ADAM33: variants seen among roughly 807,000 people sequenced by gnomAD.
ADAM33 encodes ADAM metallopeptidase domain 33.
Under a neutral mutation model 106.2 loss-of-function variants are expected in ADAM33, and 103 were observed. The ratio of observed to expected loss-of-function variants is 0.97; its 90% CI spans 0.83 to 1.14. The LOEUF (loss-of-function observed/expected upper bound fraction) is 1.14, where lower values mean the gene tolerates loss of function less well. Ranked by LOEUF, ADAM33 falls within the 50% of genes most tolerant of loss-of-function variation. The probability of loss-of-function intolerance (pLI) is 0.00; values close to 1 mark genes in which losing one functional copy is unlikely to be tolerated. For synonymous variants in ADAM33, 483 were observed against 453.0 expected, an observed-to-expected ratio of 1.07 and a Z score of -0.84; for missense variants, 1,120 against 1,096.6, an observed-to-expected ratio of 1.02 and a Z score of -0.30.
Position 3,672,133 on chromosome 20 carries a change from C to T in ADAM33, c.1597+1G>A. ...GTGCAAGGGTGCTCGTGTCCTCTCA[C>T]CAGGCCCCCAGAGCTGCTGGCACTG... On this transcript the variant is annotated splice_donor_variant, in intron 14 of 21. Transcript: ENST00000356518. LOFTEE classifies it high-confidence loss of function. The T allele has an allele frequency of 1.2e-6, 2 of 1,609,170 alleles. No homozygotes were observed. The highest frequency in any genetic ancestry group is 1.7e-6 in the Non-Finnish European group (2 of 1,177,470).
chr20:3,673,542 G>A (rs2087709399), intron 10 of ADAM33, 32 bp downstream of exon 10: 1 of 1,428,012 alleles, frequency 7.0e-7, no homozygotes, highest in South Asian at 1.5e-5. Flanking sequence ...AGAGCCTCCT[G>A]TCTCTCCCTC....
Position 3,672,857 on chromosome 20 carries a change from T to C in ADAM33, c.1175A>G (p.Gln392Arg). 1 of 1,577,278 alleles carries C rather than the reference T, an allele frequency of 6.3e-7. No homozygotes were observed. The highest frequency in any genetic ancestry group is 8.5e-7 in the Non-Finnish European group (1 of 1,169,806). Residue 392 changes from glutamine (Q) to arginine (R), a missense_variant, in exon 12 of 22, where the codon CAG becomes CGG. Physicochemically the swap from Gln to Arg is conservative, Grantham distance 43. Coordinates refer to ENST00000356518, the MANE Select transcript of ADAM33 (RefSeq NM_025220.5). ...CCCCTTGCGGAAGAAGGCGCGCAGC[T>C]GGCGGCGGCTGCAGGCGCTGAACAC... ...PRVFSACSRR[Q>R]LRAFFRKGGG...
At chr20:3,678,418 A>C (rs1309630827) in intron 2 of ADAM33, among the ~76,000 whole-genome samples, 3 of 152,208 alleles carry the variant, frequency 2.0e-5, no homozygotes, top group Non-Finnish European at 4.4e-5. Flanking sequence ...AGGGAGGCCC[A>C]GAGGCAGAGT....
Position 3,674,501 on chromosome 20 carries a change from G to A in ADAM33, c.600+3C>T. 6.2e-7 allele frequency: 1 copy of A among 1,612,876 alleles called. No homozygotes were observed. Among genetic ancestry groups the A allele is most frequent in the Non-Finnish European group, 8.5e-7 (1 of 1,179,800 alleles). On this transcript the variant is annotated splice_donor_region_variant and intron_variant, in intron 6 of 21. Transcript: ENST00000356518. ...CCACTCCCATCCGATCGATGCCCCT[G>A]ACCCTGCTCTGGGGACCACCAGGAA... is the stretch of plus-strand genomic sequence containing the variant.
rs764614141 is a variant in ADAM33, at chr20:3,669,567, T to C, written c.2311A>G (p.Thr771Ala). 1.9e-6 allele frequency: 3 copies of C among 1,598,732 alleles called. No individual in the cohort carries two copies. The South Asian group carries it at 3.4e-5, about 18-fold the overall frequency. The change falls in exon 20 of 22, where the codon ACT becomes GCT. Residue 771 changes from threonine to alanine, a missense_variant. Coordinates refer to ENST00000356518, the MANE Select transcript of ADAM33 (RefSeq NM_025220.5). ...TCACCCAGGGGCCAGGGCTGTCCAGTGGCTGTGGGGCCCAACTCCATGGGG... is the reference window on the plus strand; with the variant it reads ...TCACCCAGGGGCCAGGGCTGTCCAGCGGCTGTGGGGCCCAACTCCATGGGG... ...VHPMELGPTATGQPWPLDPEN... is the reference protein window; with the variant it reads ...VHPMELGPTAAGQPWPLDPEN...
chr20:3,681,804 G>T (rs1042457438), intron 1 of ADAM33, 104 bp downstream of exon 1: 2 of 1,442,672 alleles, frequency 1.4e-6, no homozygotes, highest in Admixed American at 2.6e-5. Context: ...TGCCGGGGCC[G>T]TGAGACCCTC....
At chr20:3,681,727 G>A (rs2088515129) in intron 1 of ADAM33, among the ~76,000 whole-genome samples, 181 bp downstream of exon 1, 2 of 152,106 alleles carry the variant, frequency 1.3e-5, no homozygotes, top group Non-Finnish European at 2.9e-5. Flanking sequence ...ACACTTGAGC[G>A]TCCCTGGGCA....
chr20:3,677,196 G>T lies in ADAM33; in HGVS notation c.178-53C>A, dbSNP rs1017920328. On this transcript the variant is annotated intron_variant, in intron 2 of 21. Coordinates refer to ENST00000356518, the MANE Select transcript of ADAM33 (RefSeq NM_025220.5). ...ATGGTGGCCTCCAGGCCTCCTGCCT[G>T]CCAGGGAGTAGGTGGCCTGTGGAGC... 7 of 1,486,964 alleles carry T rather than the reference G, an allele frequency of 4.7e-6. 1 individual carries two copies. In the Admixed American group the frequency reaches 1.1e-4, roughly 23 times the overall value. The allele number at this position is 1,486,964 out of a possible 1,614,324, so 92.1% of individuals were successfully genotyped here. A position where few individuals can be genotyped will look rare whatever the true frequency, so the allele number is the denominator to read the frequency against.
Position 3,672,228 on chromosome 20 carries a change from T to C in ADAM33, c.1503A>G (p.Leu501=). ...CCCTGGCACAGGGTGAGCCGTCCAG[T>C]AGGTAAACGTCTGGGGGACAGTGGG... The part of the protein sequence containing the change: ...TSSHCPPDVY[L]LDGSPCARGS... Residue 501 remains leucine, a synonymous_variant, in exon 14 of 22, where the codon CTA becomes CTG. Transcript: ENST00000356518. The C allele has an allele frequency of 6.2e-7, 1 of 1,613,334 alleles. No individual in the cohort carries two copies. Among genetic ancestry groups the C allele is most frequent in the African/African-American group, 1.3e-5 (1 of 75,010 alleles).
At position 3,669,536 on chromosome 20, in the gene ADAM33, C is replaced by T; in HGVS notation, c.2332+10G>A. ...CTTCCCTCTCCACCTCCCCCTGGTG[C>T]CTCACTCACCCAGGGGCCAGGGCTG... On this transcript the variant is annotated intron_variant, in intron 20 of 21. Coordinates refer to ENST00000356518, the MANE Select transcript of ADAM33 (RefSeq NM_025220.5). The T allele has an allele frequency of 6.3e-7, 1 of 1,575,358 alleles. No homozygotes were observed. Among genetic ancestry groups the T allele is most frequent in the Non-Finnish European group, 8.6e-7 (1 of 1,159,654 alleles).
Position 3,671,680 on chromosome 20 carries a change from C to T in ADAM33, c.1806G>A (p.Gln602=). 1.9e-6 allele frequency: 3 copies of T among 1,586,070 alleles called. No individual in the cohort carries two copies. The highest frequency in any genetic ancestry group is 2.6e-6 in the Non-Finnish European group (3 of 1,165,752). ...PVDSTVHLDG[Q]EVTCRGALAL... Reference sequence around the variant, plus strand: ...CCAAGGCTCCCCGACAAGTCACTTCCTGGCCATCTAGGTGAACGGTAGAGT... The same window carrying T: ...CCAAGGCTCCCCGACAAGTCACTTCTTGGCCATCTAGGTGAACGGTAGAGT... Residue 602 remains glutamine (Q), a synonymous_variant, in exon 16 of 22, where the codon CAG becomes CAA. Transcript: ENST00000356518.
rs2087346372 is a variant in ADAM33 at position 3,668,868 on chromosome 20, C to T, written c.*95G>A. On this transcript the variant is annotated 3_prime_UTR_variant, in exon 22 of 22. Transcript: ENST00000356518. Reference sequence around the variant, plus strand: ...AAGCTGCCTGCAGGTGCTGGAGGTCCGGTGATTCACTGGCTCTGCCCCTGC... The same window carrying T: ...AAGCTGCCTGCAGGTGCTGGAGGTCTGGTGATTCACTGGCTCTGCCCCTGC... 27 of 1,443,702 alleles carry T rather than the reference C, an allele frequency of 1.9e-5. No individual in the cohort carries two copies. The highest frequency in any genetic ancestry group is 2.0e-4 in the Middle Eastern group (1 of 5,100). 89.4% of individuals were successfully genotyped at this position (1,443,702 alleles called of 1,614,324 possible). A position where few individuals can be genotyped will look rare whatever the true frequency, so the allele number is the denominator to read the frequency against.
At position 3,673,617 on chromosome 20, in the gene ADAM33, A is replaced by T. The variant is rs1287177265; in HGVS notation, c.947T>A (p.Val316Asp). 1 of 1,359,566 alleles carries T rather than the reference A, an allele frequency of 7.4e-7. No individual in the cohort carries two copies. The highest frequency in any genetic ancestry group is 4.0e-5 in the Admixed American group (1 of 25,060). 84.2% of individuals were successfully genotyped at this position (1,359,566 alleles called of 1,614,324 possible). Residue 316 changes from valine to aspartate, a missense_variant, in exon 10 of 22, where the codon GTC becomes GAC. Physicochemically the swap from Val to Asp is radical, Grantham distance 152. Transcript: ENST00000356518. The stretch of plus-strand genomic sequence containing the variant: ...GCTCTCGGCGCGGCACATGCCCTCG[A>T]CGGGCGCCAGGCCCACTGTGGCGCC... ...FQGATVGLAPVEGMCRAESSG... is the reference protein window; with the variant it reads ...FQGATVGLAPDEGMCRAESSG...
intron 8 of ADAM33, 38 bp downstream of exon 8, chr20:3,674,026 G>A (rs1298989414): frequency 2.5e-6 from 4 of 1,612,838 alleles, no homozygotes; most frequent in Non-Finnish European, 1.7e-6. Flanking sequence ...TCCTGCCGCC[G>A]CCACCCCCAT....
At chr20:3,673,109 G>A in intron 11 of ADAM33, 1 of 1,454,746 alleles carries the variant, frequency 6.9e-7, no homozygotes, top group South Asian at 1.4e-5. Flanking sequence ...ATCGCGACCC[G>A]ACGGTGCTCC....
At position 3,674,045 on chromosome 20, in the gene ADAM33, T is replaced by C; in HGVS notation, c.738+19A>G. 1.9e-6 allele frequency: 3 copies of C among 1,613,552 alleles called. No individual in the cohort carries two copies. Among genetic ancestry groups the C allele is most frequent in the Non-Finnish European group, 2.5e-6 (3 of 1,179,894 alleles). On this transcript the variant is annotated intron_variant, in intron 8 of 21. Transcript: ENST00000356518. ...GCCGCCGCCACCCCCATCACCGCTC[T>C]CTCCCCGCCGCCCCCAACCTGGTCC...
Position 3,672,583 on chromosome 20 carries a change from C to T in ADAM33, c.1355G>A (p.Arg452His). The T allele has an allele frequency of 6.8e-6, 11 of 1,613,572 alleles. No homozygotes were observed. Among genetic ancestry groups the T allele is most frequent in the Non-Finnish European group, 8.5e-6 (10 of 1,179,920 alleles). The change falls in exon 13 of 22, where the codon CGC (arginine) becomes CAC (histidine). Residue 452 changes from arginine to histidine, a missense_variant. Coordinates refer to ENST00000356518, the MANE Select transcript of ADAM33 (RefSeq NM_025220.5). ...CCCGTGGGCGCACTGGGCCCCCGGG[C>T]GCAGCGAGCAGTTGTGAGCAAAGCA... ...LCCFAHNCSL[R>H]PGAQCAHGDC...
intron 1 of ADAM33, among the ~76,000 whole-genome samples, chr20:3,680,754 C>G (rs933635030): frequency 1.3e-5 from 2 of 152,156 alleles, no homozygotes; most frequent in African/African-American, 4.8e-5. Context: ...GTAGGGTGGG[C>G]CCGGGCACAG....
At chr20:3,671,843 G>C in intron 15 of ADAM33, 34 bp downstream of exon 15, 1 of 1,551,430 alleles carries the variant, frequency 6.4e-7, no homozygotes. Flanking sequence ...CCACTCCATA[G>C]CTTCTGCTCC....
Sources: allele counts gnomAD v4.1 joint callset (sites outside exome capture counted in the v4.1 genomes callset), GRCh38; gene constraint gnomAD v4.1.1; transcripts MANE v1.5; gene names NCBI Gene and HGNC (gene_info 2026-07-23, HGNC 2026-07-21).